Variants in GFRAL observed in about 807,000 individuals in gnomAD.
GFRAL encodes the protein GDNF family receptor alpha-like.
Under a neutral mutation model 45.4 loss-of-function variants are expected in GFRAL, and 36 were observed. That is an observed-to-expected ratio of 0.79 (90% CI 0.61 to 1.05). The LOEUF (loss-of-function observed/expected upper bound fraction) is 1.05, where lower values mean the gene tolerates loss of function less well. Among genes scored for constraint, GFRAL ranks in the 50% least tolerant of loss-of-function variants. GFRAL has a pLI of 0.00. For synonymous variants in GFRAL, 166 were observed against 154.1 expected (o/e 1.08, Z -0.57); for missense variants, 507 against 467.5 (o/e 1.08, Z -0.78).
chr6:55,349,995 T>C (rs1768094655), intron 3 of GFRAL, 97 bp from the exon 4 acceptor site: 1 of 736,862 alleles, frequency 1.4e-6, no homozygotes, highest in Non-Finnish European at 2.5e-6. Context: ...TGCTTGAATA[T>C]ATGTGGACTT....
At chr6:55,345,995 C>G (rs1768036272) in intron 3 of GFRAL, among the ~76,000 whole-genome samples, 1 of 152,106 alleles carries the variant, frequency 6.6e-6, no homozygotes, top group Non-Finnish European at 1.5e-5. Context: ...AATGAGATAC[C>G]ATCTCACACC....
intron 5 of GFRAL, among the ~76,000 whole-genome samples, chr6:55,357,167 G>A (rs1768206557): frequency 6.6e-6 from 1 of 151,856 alleles, no homozygotes; most frequent in African/African-American, 2.4e-5. Flanking sequence ...GTATTCTTCA[G>A]CTATTGTATG....
chr6:55,330,566 C>G (rs745724697), intron 1 of GFRAL, among the ~76,000 whole-genome samples: 2 of 151,896 alleles, frequency 1.3e-5, no homozygotes, highest in African/African-American at 4.8e-5. Context: ...AAGGGTTATT[C>G]CAGAAGAAAA....
At chr6:55,386,238 A>C (rs187058013) in intron 6 of GFRAL, among the ~76,000 whole-genome samples, 1 of 152,116 alleles carries the variant, frequency 6.6e-6, no homozygotes, top group Non-Finnish European at 1.5e-5. Context: ...ATGTGTCCAT[A>C]TTCAATAAAC....
At chr6:55,358,776 TG>T in intron 5 of GFRAL, 111 bp from the exon 6 acceptor site, 1 of 911,660 alleles carries the variant, frequency 1.1e-6, no homozygotes, top group Non-Finnish European at 1.7e-6. Context: ...AACTATGTAC[TG>T]GCATCTCGAA....
intron 6 of GFRAL, among the ~76,000 whole-genome samples, chr6:55,370,702 C>A (rs1346713927): frequency 1.3e-5 from 2 of 152,116 alleles, no homozygotes; most frequent in Non-Finnish European, 2.9e-5. Context: ...TATATAATGG[C>A]AGGACGTGAC....
intron 6 of GFRAL, among the ~76,000 whole-genome samples, chr6:55,389,099 A>C (rs888687583): frequency 6.6e-6 from 1 of 152,224 alleles, no homozygotes; most frequent in African/African-American, 2.4e-5. Context: ...TTATTTTAAA[A>C]ATTTTATGTT....
At chr6:55,337,995 A>G (rs1157772090) in intron 3 of GFRAL, among the ~76,000 whole-genome samples, 4 of 152,190 alleles carry the variant, frequency 2.6e-5, no homozygotes, top group Non-Finnish European at 5.9e-5. Flanking sequence ...TGATTTAGCT[A>G]TAGCCACACA....
intron 1 of GFRAL, among the ~76,000 whole-genome samples, chr6:55,331,241 A>G (rs73436825): frequency 0.25 from 38,193 of 152,024 alleles, 5,185 homozygotes; most frequent in Middle Eastern, 0.45. Flanking sequence ...CTTTACTAGA[A>G]GAATAAAATG....
At chr6:55,361,721 A>C (rs1768278076) in intron 6 of GFRAL, among the ~76,000 whole-genome samples, 1 of 152,000 alleles carries the variant, frequency 6.6e-6, no homozygotes, top group Admixed American at 6.6e-5. Flanking sequence ...GCACAAGGAC[A>C]TTTGCTGAAG....
intron 6 of GFRAL, among the ~76,000 whole-genome samples, chr6:55,376,005 G>T (rs746556044): frequency 6.6e-6 from 1 of 151,906 alleles, no homozygotes; most frequent in Non-Finnish European, 1.5e-5. Context: ...TGTCATAGAC[G>T]GCTCTTATTA....
chr6:55,370,017 T>C (rs1364836067), intron 6 of GFRAL, among the ~76,000 whole-genome samples: 1 of 152,202 alleles, frequency 6.6e-6, no homozygotes, highest in Non-Finnish European at 1.5e-5. Context: ...CTATGTGTTA[T>C]CTGAGTGATG....
intron 5 of GFRAL, among the ~76,000 whole-genome samples, chr6:55,354,841 A>G (rs1338543370): frequency 6.6e-6 from 1 of 152,068 alleles, no homozygotes; most frequent in East Asian, 1.9e-4. Context: ...AAATTTTTCA[A>G]TTCACGATGG....
chr6:55,374,743 A>G (rs140745149), intron 6 of GFRAL, among the ~76,000 whole-genome samples: 431 of 151,766 alleles, frequency 2.8e-3, no homozygotes, highest in Non-Finnish European at 4.2e-3. Context: ...TTCTTCTAGG[A>G]TTTTCATAGT....
intron 3 of GFRAL, among the ~76,000 whole-genome samples, chr6:55,348,327 A>G (rs538387906): frequency 1.3e-5 from 2 of 152,222 alleles, no homozygotes; most frequent in East Asian, 1.9e-4. Context: ...CATTTAATGT[A>G]TAAGTATTAA....
At chr6:55,339,226 A>G (rs1237415967) in intron 3 of GFRAL, among the ~76,000 whole-genome samples, 1 of 152,202 alleles carries the variant, frequency 6.6e-6, no homozygotes, top group Admixed American at 6.5e-5. Context: ...ACATTGAGCC[A>G]AGAAATGAAA....
intron 4 of GFRAL, among the ~76,000 whole-genome samples, chr6:55,350,736 G>A (rs149593996): frequency 1.5e-4 from 23 of 152,056 alleles, no homozygotes; most frequent in African/African-American, 5.5e-4. Flanking sequence ...CATTTAATAG[G>A]TATTTGTGAT....
chr6:55,347,702 A>G (rs897077920), intron 3 of GFRAL, among the ~76,000 whole-genome samples: 1 of 152,186 alleles, frequency 6.6e-6, no homozygotes, highest in Non-Finnish European at 1.5e-5. Context: ...GGAAATGGGT[A>G]GGATTCACTA....
intron 5 of GFRAL, among the ~76,000 whole-genome samples, chr6:55,356,666 A>G (rs1768199319): frequency 1.3e-5 from 2 of 151,754 alleles, no homozygotes; most frequent in Admixed American, 1.3e-4. Context: ...TCATTTTGTT[A>G]ATCTTTTGAA....
Sources: gnomAD v4.1 joint callset for allele counts (sites outside exome capture counted in the v4.1 genomes callset) on GRCh38, gnomAD v4.1.1 for gene constraint, MANE v1.5 for transcripts, NCBI Gene and HGNC (gene_info 2026-07-23, HGNC 2026-07-21) for gene names.